The following RBFOX3 variants were observed in gnomAD, a reference collection of about 807,000 sequenced individuals.
The protein encoded by RBFOX3 is RNA binding protein fox-1 homolog 3.
RBFOX3 carries 17 observed loss-of-function variants against 48.7 expected under a neutral mutation model. That is an observed-to-expected ratio of 0.35 (90% confidence interval 0.24 to 0.52). The LOEUF (loss-of-function observed/expected upper bound fraction) is 0.52. Ranked by LOEUF, RBFOX3 falls within the 20% of genes least tolerant of loss-of-function variation. The pLI is 0.94. For missense variants in RBFOX3, 382 were observed against 497.5 expected, an observed-to-expected ratio of 0.77 and a Z score of 2.21; for synonymous variants, 212 against 209.5, an observed-to-expected ratio of 1.01 and a Z score of -0.10.
chr17:79,143,601 C>T (rs1409932721), intron 4 of RBFOX3, among the ~76,000 whole-genome samples: 4 of 152,218 alleles, frequency 2.6e-5, no homozygotes, highest in Admixed American at 2.6e-4. Flanking sequence ...CCACCAGGGA[C>T]ACCTCTGCTC....
At chr17:79,277,306 G>GT (rs2069124735) in intron 3 of RBFOX3, among the ~76,000 whole-genome samples, 1 of 145,450 alleles carries the variant, frequency 6.9e-6, no homozygotes, top group Non-Finnish European at 1.5e-5. Context: ...GGTGGGGAGG[G>GT]GGGGGGTAGT....
At chr17:79,163,311 C>T (rs886763827) in intron 4 of RBFOX3, among the ~76,000 whole-genome samples, 9 of 152,324 alleles carry the variant, frequency 5.9e-5, no homozygotes, top group East Asian at 3.9e-4. Context: ...CGGGGCCTCA[C>T]GGCCTCAGTG....
chr17:79,244,843 T>C (rs2062925232), intron 3 of RBFOX3, among the ~76,000 whole-genome samples: 1 of 149,540 alleles, frequency 6.7e-6, no homozygotes, highest in African/African-American at 2.5e-5. Flanking sequence ...TCCTTCCTTC[T>C]TTCATTCTCC....
chr17:79,354,070 C>A (rs1014509910), intron 2 of RBFOX3, among the ~76,000 whole-genome samples: 1 of 152,116 alleles, frequency 6.6e-6, no homozygotes, highest in Non-Finnish European at 1.5e-5. Context: ...TCCCACAGAC[C>A]CCCTGCCCTC....
intron 4 of RBFOX3, chr17:79,135,974 G>A (rs1015177390): frequency 1.1e-4 from 16 of 152,298 alleles, no homozygotes; most frequent in African/African-American, 3.9e-4. Context: ...GAGTCCCCCG[G>A]CTGCAGTCTG....
rs1025583744 is a variant in RBFOX3 at position 79,530,435 on chromosome 17, C to T, written c.-319-47837G>A. ...GTATGAAATGCGTAAGGCCCAGAGCCGTGCCTCCTCCGCCTTTGTGCCGCA... is the reference window on the plus strand; with the variant it reads ...GTATGAAATGCGTAAGGCCCAGAGCTGTGCCTCCTCCGCCTTTGTGCCGCA... On this transcript the variant is annotated intron_variant, in intron 1 of 14. Coordinates refer to ENST00000693108, the MANE Select transcript of RBFOX3 (RefSeq NM_001350451.2). Among the ~76,000 whole-genome samples the T allele has an allele frequency of 2.6e-5, 4 of 152,268 alleles. No homozygotes were observed. In the East Asian group the frequency reaches 5.8e-4, roughly 22 times the overall value.
intron 1 of RBFOX3, among the ~76,000 whole-genome samples, chr17:79,523,858 T>A (rs961899225): frequency 6.6e-6 from 1 of 152,176 alleles, no homozygotes; most frequent in African/African-American, 2.4e-5. Context: ...AGATAAGAGT[T>A]CGGTGTCCTA....
chr17:79,307,171 C>T (rs1208564245), intron 3 of RBFOX3, among the ~76,000 whole-genome samples: 1 of 152,234 alleles, frequency 6.6e-6, no homozygotes, highest in Non-Finnish European at 1.5e-5. Flanking sequence ...GAAGGAGGGC[C>T]TCGCATGAGC....
chr17:79,363,436 C>T lies in RBFOX3; in HGVS notation c.-174-55612G>A, dbSNP rs377137022. Among the ~76,000 whole-genome samples the T allele has an allele frequency of 4.6e-5, 7 of 152,072 alleles. No homozygotes were observed. The East Asian group carries it at 1.4e-3, about 29-fold the overall frequency. ...AGGTGTTCCCAGGCCTGGTCACCTCCACCCCAGACTTCCAAACTCTTCTGT... is the reference window on the plus strand; with the variant it reads ...AGGTGTTCCCAGGCCTGGTCACCTCTACCCCAGACTTCCAAACTCTTCTGT... On this transcript the variant is annotated intron_variant, in intron 2 of 14. Transcript: ENST00000693108. This position sits in a 1 kb window ranked among gnomAD's most constrained non-coding sequence, Gnocchi z 4.7.
At chr17:79,251,542 T>C (rs2063957421) in intron 3 of RBFOX3, among the ~76,000 whole-genome samples, 1 of 152,206 alleles carries the variant, frequency 6.6e-6, no homozygotes, top group Non-Finnish European at 1.5e-5. Context: ...CTAGGTCCTA[T>C]GCATTCTTCT....
At chr17:79,225,182 C>T (rs1457884205) in intron 4 of RBFOX3, among the ~76,000 whole-genome samples, 10 of 152,090 alleles carry the variant, frequency 6.6e-5, no homozygotes, top group African/African-American at 2.4e-5. Context: ...GCACAGTCAA[C>T]CTCTCTCCCT....
chr17:79,659,266 A>C, the RBFOX3 span, among the ~76,000 whole-genome samples: 2 of 152,216 alleles, frequency 1.3e-5, no homozygotes, highest in Non-Finnish European at 2.9e-5. Context: ...AAAAAGAAAT[A>C]GAATTTGGTG....
chr17:79,652,243 G>A, the RBFOX3 span, among the ~76,000 whole-genome samples: 2 of 152,296 alleles, frequency 1.3e-5, no homozygotes, highest in South Asian at 4.1e-4. Flanking sequence ...TATTGTCACA[G>A]AGATGAGAAA....
At chr17:79,208,745 G>A (rs1186655675) in intron 4 of RBFOX3, among the ~76,000 whole-genome samples, 1 of 152,124 alleles carries the variant, frequency 6.6e-6, no homozygotes, top group Non-Finnish European at 1.5e-5. Context: ...TTGCTCCTAG[G>A]GCCCTGCTCC....
At chr17:79,182,401 C>G (rs1162970470) in intron 4 of RBFOX3, among the ~76,000 whole-genome samples, 1 of 152,208 alleles carries the variant, frequency 6.6e-6, no homozygotes, top group Non-Finnish European at 1.5e-5. Flanking sequence ...CCGGGCCAGG[C>G]TGGCGCCGGG....
At chr17:79,462,102 C>T (rs1171870568) in intron 2 of RBFOX3, among the ~76,000 whole-genome samples, 5 of 152,192 alleles carry the variant, frequency 3.3e-5, no homozygotes, top group Non-Finnish European at 4.4e-5. Context: ...TGGATGTGTT[C>T]AGTGTCTGCC....
At chr17:79,151,071 A>G (rs566008436) in intron 4 of RBFOX3, among the ~76,000 whole-genome samples, 184 of 152,236 alleles carry the variant, frequency 1.2e-3, no homozygotes, top group Non-Finnish European at 2.0e-3. Flanking sequence ...TCCCTCCACC[A>G]TGCTGGGCCC....
rs183427612 is a variant in RBFOX3 at position 79,337,150 on chromosome 17, A to C, written c.-174-29326T>G. Among the ~76,000 whole-genome samples the C allele has an allele frequency of 7.3e-3, 1,111 of 152,148 alleles. 20 individuals carry two copies. The highest frequency in any genetic ancestry group is 0.025 in the African/African-American group (1,030 of 41,520). On this transcript the variant is annotated intron_variant, in intron 2 of 14. Transcript: ENST00000693108. ...AAAAAAGGTGAGTGCTCTTATTTCGATAGTCCTGACTCTCACACCACGGGA... is the reference window on the plus strand; with the variant it reads ...AAAAAAGGTGAGTGCTCTTATTTCGCTAGTCCTGACTCTCACACCACGGGA...
At chr17:79,137,177 C>T (rs550556882) in intron 4 of RBFOX3, among the ~76,000 whole-genome samples, 292 of 152,218 alleles carry the variant, frequency 1.9e-3, no homozygotes, top group Middle Eastern at 3.4e-3. Context: ...GACTCACACA[C>T]GCAGCCTCTG....
Sources: gnomAD v4.1 joint callset for allele counts (sites outside exome capture counted in the v4.1 genomes callset) on GRCh38, gnomAD v4.1.1 for gene constraint, Gnocchi (gnomAD v3.1) non-coding constraint, MANE v1.5 for transcripts, NCBI Gene and HGNC (gene_info 2026-07-23, HGNC 2026-07-21) for gene names.